Variants in MBTPS1 observed in about 807,000 individuals in gnomAD.
MBTPS1 encodes membrane-bound transcription factor site-1 protease.
In MBTPS1, 94 loss-of-function variants were observed where a neutral mutation model predicts 127.8. That is an observed-to-expected ratio of 0.74 (90% CI 0.62 to 0.87). The LOEUF (loss-of-function observed/expected upper bound fraction) is 0.87, where lower values mean the gene tolerates loss of function less well. Ranked by LOEUF, MBTPS1 falls within the 40% of genes least tolerant of loss-of-function variation. MBTPS1 has a pLI of 0.00. For missense variants in MBTPS1, 1,636 were observed against 1,353.2 expected (o/e 1.21, Z -3.28); for synonymous variants, 632 against 509.4 (o/e 1.24, Z -3.24).
chr16:84,091,778 A>C lies in MBTPS1; in HGVS notation c.917T>G (p.Leu306Arg). 6.2e-7 allele frequency: 1 copy of C among 1,614,132 alleles called. No individual in the cohort carries two copies. Among genetic ancestry groups the C allele is most frequent in the Non-Finnish European group, 8.5e-7 (1 of 1,179,996 alleles). ...AILKKIDVLNLSIGGPDFMDH... is the reference protein window; with the variant it reads ...AILKKIDVLNRSIGGPDFMDH... ...CATGAAGTCCGGGCCGCCGATGCTG[A>C]GGTTTAACACGTCGATCTTCTTTAA... The change falls in exon 7 of 23, where the codon CTC becomes CGC. Residue 306 changes from leucine to arginine, a missense_variant. Transcript: ENST00000343411.
At chr16:84,067,013 C>T (rs974049142) in intron 16 of MBTPS1, among the ~76,000 whole-genome samples, 27 of 151,780 alleles carry the variant, frequency 1.8e-4, no homozygotes, top group African/African-American at 6.1e-4. Context: ...TCCTTGATCC[C>T]AATAAAGGGA....
intron 11 of MBTPS1, among the ~76,000 whole-genome samples, chr16:84,076,976 AG>A (rs1257502595): frequency 6.6e-6 from 1 of 152,212 alleles, no homozygotes; most frequent in East Asian, 1.9e-4. Context: ...GTGTCATCCC[AG>A]CACTTTGGGA....
chr16:84,061,986 T>C (rs934125152), intron 19 of MBTPS1, among the ~76,000 whole-genome samples: 2 of 152,204 alleles, frequency 1.3e-5, no homozygotes, highest in African/African-American at 4.8e-5. Context: ...ATGTAAGGCC[T>C]AGGACCACCC....
At position 84,093,303 on chromosome 16, in the gene MBTPS1, G is replaced by A. The variant is rs746893766; in HGVS notation, c.737-6C>T. ...GAATGTGCCATGGCCCAACCCTGCA[G>A]TCCATAAAGAAAACAATCCCATAAA... is the stretch of plus-strand genomic sequence containing the variant. On this transcript the variant is annotated splice_region_variant and splice_polypyrimidine_tract_variant and intron_variant, in intron 5 of 22. Transcript: ENST00000343411. 10 of 1,586,292 alleles carry A rather than the reference G, an allele frequency of 6.3e-6. No homozygotes were observed. The South Asian group carries it at 9.9e-5, about 16-fold the overall frequency.
At chr16:84,104,251 A>G (rs1420536390) in intron 1 of MBTPS1, among the ~76,000 whole-genome samples, 1 of 152,122 alleles carries the variant, frequency 6.6e-6, no homozygotes, top group East Asian at 1.9e-4. Context: ...TTAAAAAGGA[A>G]GGAACAATCA....
chr16:84,074,491 A>T, intron 12 of MBTPS1, 106 bp downstream of exon 12: 1 of 1,202,224 alleles, frequency 8.3e-7, no homozygotes, highest in Non-Finnish European at 1.2e-6. Flanking sequence ...TCCTCGGCCT[A>T]GAACTTTTCC....
chr16:84,075,674 CT>C (rs1195809843), intron 11 of MBTPS1: 1 of 152,218 alleles, frequency 6.6e-6, no homozygotes, highest in East Asian at 1.9e-4. Flanking sequence ...ATAAGGAGTA[CT>C]TTTTATTAGT....
At chr16:84,073,889 C>A (rs142289579) in intron 12 of MBTPS1, among the ~76,000 whole-genome samples, 4 of 152,096 alleles carry the variant, frequency 2.6e-5, no homozygotes, top group Non-Finnish European at 5.9e-5. Context: ...ACCTGTAATC[C>A]CAGATACCTG....
intron 4 of MBTPS1, among the ~76,000 whole-genome samples, chr16:84,094,692 C>A (rs756485915): frequency 3.9e-5 from 6 of 152,062 alleles, no homozygotes; most frequent in Non-Finnish European, 8.8e-5. Context: ...AATCAGAAAT[C>A]ATTTGGTTTG....
At chr16:84,067,952 G>A (rs2085711921) in intron 15 of MBTPS1, 129 bp from the exon 16 acceptor site, 2 of 802,660 alleles carry the variant, frequency 2.5e-6, no homozygotes, top group Non-Finnish European at 3.9e-6. Context: ...GTGCCACCCT[G>A]TACCACTTTA....
chr16:84,080,328 G>C (rs1253563754), intron 11 of MBTPS1, among the ~76,000 whole-genome samples: 2 of 152,240 alleles, frequency 1.3e-5, no homozygotes, highest in African/African-American at 2.4e-5. Flanking sequence ...TGTCAAAGTT[G>C]TCAGGAGTAA....
chr16:84,067,629 A>G (rs776834327), intron 16 of MBTPS1, 38 bp downstream of exon 16: 7 of 1,512,536 alleles, frequency 4.6e-6, no homozygotes, highest in African/African-American at 1.5e-5. Context: ...TTGATTCCCC[A>G]AAAGTCTTAT....
At chr16:84,088,301 A>G (rs2086058765) in intron 8 of MBTPS1, among the ~76,000 whole-genome samples, 1 of 152,100 alleles carries the variant, frequency 6.6e-6, no homozygotes, top group South Asian at 2.1e-4. Flanking sequence ...CTCCTTCTAG[A>G]GTGTGTTTTT....
At chr16:84,092,947 G>GT (rs1567495733) in intron 6 of MBTPS1, among the ~76,000 whole-genome samples, 1 of 152,204 alleles carries the variant, frequency 6.6e-6, no homozygotes, top group African/African-American at 2.4e-5. Context: ...AAGAATCGTC[G>GT]TAAGTAGTAG....
Position 84,104,792 on chromosome 16 carries a change from C to T in MBTPS1, c.-324-2685G>A, listed in dbSNP as rs765597319. 7.2e-5 allele frequency among the ~76,000 whole-genome samples: 11 copies of T among 152,130 alleles called. No individual in the cohort carries two copies. In the South Asian group the frequency reaches 2.1e-3, roughly 29 times the overall value. On this transcript the variant is annotated intron_variant, in intron 1 of 22. Coordinates refer to ENST00000343411, the MANE Select transcript of MBTPS1 (RefSeq NM_003791.4). ...GTTTTCAAATGAAAAAAAGGCCAGG[C>T]GCGGTGGCTCACACCTGTAATCCTG... is the stretch of plus-strand genomic sequence containing the variant.
chr16:84,058,549 C>T (rs1260444271), intron 21 of MBTPS1, among the ~76,000 whole-genome samples: 2 of 152,178 alleles, frequency 1.3e-5, no homozygotes, highest in African/African-American at 4.8e-5. Flanking sequence ...CATCCCCTTT[C>T]TCAGGAGAAG....
intron 14 of MBTPS1, 98 bp from the exon 15 acceptor site, chr16:84,068,552 T>C: frequency 2.5e-6 from 2 of 814,028 alleles, no homozygotes; most frequent in Non-Finnish European, 4.1e-6. Flanking sequence ...CACCATGCCA[T>C]GGCCCACAGA....
chr16:84,077,940 A>C (rs945149976), intron 11 of MBTPS1, among the ~76,000 whole-genome samples: 5 of 152,218 alleles, frequency 3.3e-5, no homozygotes, highest in Non-Finnish European at 5.9e-5. Flanking sequence ...AGCTTAAAAA[A>C]AAAAAGCTCT....
chr16:84,057,057 A>T (rs2085532776), intron 21 of MBTPS1: 1 of 152,208 alleles, frequency 6.6e-6, no homozygotes, highest in African/African-American at 2.4e-5. Flanking sequence ...GTGAAAGCAA[A>T]GACGTCCAGT....
Sources: allele counts gnomAD v4.1 joint callset (sites outside exome capture counted in the v4.1 genomes callset), GRCh38; gene constraint gnomAD v4.1.1; transcripts MANE v1.5; gene names NCBI Gene and HGNC (gene_info 2026-07-23, HGNC 2026-07-21).